Variants in PCDHA13 observed in about 807,000 individuals in gnomAD.
PCDHA13 encodes protocadherin alpha 13.
In PCDHA13, 54 loss-of-function variants were observed where a neutral mutation model predicts 64.8. The observed-to-expected ratio is 0.83, with a 90% CI of 0.67 to 1.04. PCDHA13 has a LOEUF of 1.04. PCDHA13 is among the 50% of genes least tolerant of loss of function. PCDHA13 has a pLI of 0.00. For synonymous variants in PCDHA13, 587 were observed against 564.4 expected, an observed-to-expected ratio of 1.04 and a Z score of -0.57; for missense variants, 1,248 against 1,254.3, an observed-to-expected ratio of 0.99 and a Z score of 0.08.
chr5:140,917,151 G>A (rs974449842), intron 1 of PCDHA13, among the ~76,000 whole-genome samples: 1 of 152,160 alleles, frequency 6.6e-6, no homozygotes, highest in Non-Finnish European at 1.5e-5. Flanking sequence ...TGCTGCTGGG[G>A]GATATGGGAG....
intron 1 of PCDHA13, chr5:140,967,438 C>T: frequency 6.2e-7 from 1 of 1,613,548 alleles, no homozygotes; most frequent in South Asian, 1.1e-5. Flanking sequence ...CCTTGCACCA[C>T]CTGGTTCTCA....
intron 1 of PCDHA13, among the ~76,000 whole-genome samples, chr5:140,963,886 T>C (rs1211703076): frequency 6.6e-6 from 1 of 152,236 alleles, no homozygotes; most frequent in African/African-American, 2.4e-5. Flanking sequence ...TTGTTTTCCT[T>C]AATTAAAATG....
chr5:140,908,999 T>C (rs1221174156), intron 1 of PCDHA13, among the ~76,000 whole-genome samples: 1 of 152,190 alleles, frequency 6.6e-6, no homozygotes, highest in Non-Finnish European at 1.5e-5. Context: ...GAAATTTTAC[T>C]GAGGTAGAAG....
chr5:140,887,222 G>A (rs1406254180), intron 1 of PCDHA13, among the ~76,000 whole-genome samples: 1 of 151,284 alleles, frequency 6.6e-6, no homozygotes, highest in Non-Finnish European at 1.5e-5. Flanking sequence ...TCAGCCTCCC[G>A]AGTAGCTGAG....
chr5:140,934,941 T>C (rs1397192075), intron 1 of PCDHA13, among the ~76,000 whole-genome samples: 4 of 152,172 alleles, frequency 2.6e-5, no homozygotes, highest in African/African-American at 9.6e-5. Context: ...AAAACTAGTA[T>C]AGAGAGATCC....
chr5:140,928,262 A>T lies in PCDHA13; in HGVS notation c.2394+43600A>T, dbSNP rs199571652. ...CAGCAGGAACTTTTCGTTGCTGAAA[A>T]CAATGGCCCTGGGGCCTCTCTAGGC... is the stretch of plus-strand genomic sequence containing the variant. On this transcript the variant is annotated intron_variant, in intron 1 of 3. Coordinates refer to ENST00000289272, the MANE Select transcript of PCDHA13 (RefSeq NM_018904.3). 20 of 1,614,214 alleles carry T rather than the reference A, an allele frequency of 1.2e-5. No homozygotes were observed. In the Admixed American group the frequency reaches 2.2e-4, roughly 17 times the overall value.
intron 1 of PCDHA13, among the ~76,000 whole-genome samples, chr5:140,897,061 T>C (rs1554187169): frequency 6.6e-6 from 1 of 152,134 alleles, no homozygotes; most frequent in Admixed American, 6.6e-5. Context: ...TCAAATACTA[T>C]GTCTTATTCA....
At chr5:140,947,106 C>T (rs1172898991) in intron 1 of PCDHA13, among the ~76,000 whole-genome samples, 2 of 151,140 alleles carry the variant, frequency 1.3e-5, no homozygotes, top group Non-Finnish European at 3.0e-5. Context: ...TAAATAGGTA[C>T]GTGTCAATTA....
intron 1 of PCDHA13, among the ~76,000 whole-genome samples, chr5:140,933,534 ATAATGT>A (rs1401849089): frequency 6.6e-6 from 1 of 152,102 alleles, no homozygotes; most frequent in Non-Finnish European, 1.5e-5. Context: ...TAAACTCAAA[ATAATGT>A]TAATATAAAA....
chr5:140,896,564 A>G (rs1475217228), intron 1 of PCDHA13, among the ~76,000 whole-genome samples: 1 of 150,096 alleles, frequency 6.7e-6, no homozygotes, highest in African/African-American at 2.5e-5. Flanking sequence ...TTAAGTAGAG[A>G]TGGGGTTTTG....
At position 141,010,147 on chromosome 5, in the gene PCDHA13, C is replaced by A; in HGVS notation, c.*210C>A. ...AAGTCTGGTGTTAACTCTTTCTCTC[C>A]ACTCTGGCTTGTTTTCAGAACCTAA... On this transcript the variant is annotated 3_prime_UTR_variant, in exon 4 of 4. Coordinates refer to ENST00000289272, the MANE Select transcript of PCDHA13 (RefSeq NM_018904.3). 1 of 1,583,190 alleles carries A rather than the reference C, an allele frequency of 6.3e-7. No individual in the cohort carries two copies. Among genetic ancestry groups the A allele is most frequent in the Non-Finnish European group, 8.6e-7 (1 of 1,163,606 alleles).
At chr5:140,927,808 T>A (rs782535814) in intron 1 of PCDHA13, 1 of 1,614,208 alleles carries the variant, frequency 6.2e-7, no homozygotes, top group African/African-American at 1.3e-5. Context: ...TGAAACGCTC[T>A]TGGAGGCATA....
At chr5:140,984,945 C>CA (rs1307962082) in intron 3 of PCDHA13, among the ~76,000 whole-genome samples, 2 of 149,212 alleles carry the variant, frequency 1.3e-5, no homozygotes, top group African/African-American at 4.9e-5. Flanking sequence ...AATGTCTAAT[C>CA]TTTTTTTTTT....
At chr5:140,997,897 A>C (rs13175095) in intron 3 of PCDHA13, among the ~76,000 whole-genome samples, 9,880 of 152,266 alleles carry the variant, frequency 0.065, 363 homozygotes, top group East Asian at 0.12. Flanking sequence ...GATAAATTTC[A>C]AGAAGTAGAA....
intron 3 of PCDHA13, among the ~76,000 whole-genome samples, chr5:140,996,915 A>G (rs1167259941): frequency 6.6e-6 from 1 of 152,244 alleles, no homozygotes; most frequent in Non-Finnish European, 1.5e-5. Flanking sequence ...TGAAGTAAAT[A>G]TTAAAAAATA....
intron 1 of PCDHA13, among the ~76,000 whole-genome samples, chr5:140,885,181 T>A (rs561922365): frequency 6.6e-6 from 1 of 152,330 alleles, no homozygotes; most frequent in African/African-American, 2.4e-5. Flanking sequence ...TCTAGGCACA[T>A]CAGTGTTCCC....
chr5:140,998,005 C>G (rs539275150), intron 3 of PCDHA13, among the ~76,000 whole-genome samples: 1 of 152,164 alleles, frequency 6.6e-6, no homozygotes, highest in South Asian at 2.1e-4. Flanking sequence ...TCTGAGCCTT[C>G]CATCCCCACC....
intron 1 of PCDHA13, among the ~76,000 whole-genome samples, chr5:140,951,356 C>T (rs1362153667): frequency 6.6e-6 from 1 of 151,998 alleles, no homozygotes; most frequent in African/African-American, 2.4e-5. Flanking sequence ...CATTATTGCA[C>T]TGTTATAAAG....
intron 1 of PCDHA13, among the ~76,000 whole-genome samples, chr5:140,908,581 G>A (rs2074042639): frequency 6.6e-6 from 1 of 152,178 alleles, no homozygotes; most frequent in Non-Finnish European, 1.5e-5. Context: ...AAGGAGAGTA[G>A]TTAGCTGCAG....
Sources: allele counts gnomAD v4.1 joint callset (sites outside exome capture counted in the v4.1 genomes callset), GRCh38; gene constraint gnomAD v4.1.1; transcripts MANE v1.5; gene names NCBI Gene and HGNC (gene_info 2026-07-23, HGNC 2026-07-21).